PSD3: variants seen among roughly 807,000 people sequenced by gnomAD.
PSD3 encodes PH and SEC7 domain-containing protein 3.
Under a neutral mutation model 105.5 loss-of-function variants are expected in PSD3, and 49 were observed. That is an observed-to-expected ratio of 0.46 (90% CI 0.37 to 0.59). The LOEUF is 0.59. Among genes scored for constraint, PSD3 ranks in the 20% least tolerant of loss-of-function variants. The pLI is 0.00. For synonymous variants in PSD3, 557 were observed against 457.8 expected, an observed-to-expected ratio of 1.22 and a Z score of -2.77; for missense variants, 1,561 against 1,263.8, an observed-to-expected ratio of 1.24 and a Z score of -3.57.
intron 8 of PSD3, chr8:18,774,800 C>A: frequency 2.3e-6 from 1 of 438,906 alleles, no homozygotes; most frequent in African/African-American, 2.0e-5. Flanking sequence ...ACTGGAATGT[C>A]GGGCACCTGT....
At chr8:19,042,813 A>G (rs1172047483) in intron 1 of PSD3, among the ~76,000 whole-genome samples, 10 of 152,212 alleles carry the variant, frequency 6.6e-5, no homozygotes, top group Non-Finnish European at 1.5e-4. Flanking sequence ...TTTTAATTGA[A>G]GTACTTATGA....
intron 8 of PSD3, among the ~76,000 whole-genome samples, chr8:18,792,824 G>T (rs1048471070): frequency 6.6e-6 from 1 of 152,134 alleles, no homozygotes; most frequent in East Asian, 1.9e-4. Context: ...TCCCATTACT[G>T]GGCATATACC....
rs1586474726 is a variant in PSD3 at position 18,937,643 on chromosome 8, G to A, written c.22-1501C>T. On this transcript the variant is annotated intron_variant, in intron 1 of 15. Transcript: ENST00000327040. ...ATGTTCATAACGCGTCAAATGTATC[G>A]GTCTGAAAAAAGGTGCATACTCCTC... Among the ~76,000 whole-genome samples, 4 of 152,040 alleles carry A rather than the reference G, an allele frequency of 2.6e-5. No homozygotes were observed. In the South Asian group the frequency reaches 6.2e-4, roughly 24 times the overall value.
chr8:19,038,795 T>A (rs1468253464), intron 1 of PSD3, among the ~76,000 whole-genome samples: 1 of 152,166 alleles, frequency 6.6e-6, no homozygotes, highest in Admixed American at 6.5e-5. Flanking sequence ...CTAAATTTAT[T>A]GAGTAGTTAT....
At chr8:18,777,090 T>C (rs569632977) in intron 8 of PSD3, among the ~76,000 whole-genome samples, 1 of 152,308 alleles carries the variant, frequency 6.6e-6, no homozygotes, top group East Asian at 1.9e-4. Flanking sequence ...TTGCCCAGAC[T>C]GGAGTGCAGT....
intron 2 of PSD3, among the ~76,000 whole-genome samples, chr8:18,932,926 T>G (rs1034926590): frequency 2.0e-5 from 3 of 152,248 alleles, no homozygotes; most frequent in African/African-American, 7.2e-5. Flanking sequence ...ACCTCCTCCA[T>G]GAAGTTATCA....
intron 11 of PSD3, among the ~76,000 whole-genome samples, chr8:18,620,340 G>GTGTT (rs1806015492): frequency 9.4e-6 from 1 of 106,162 alleles, no homozygotes; most frequent in South Asian, 3.8e-4. Context: ...TCTTGGGTTT[G>GTGTT]TGTTTTTTTT....
intron 2 of PSD3, among the ~76,000 whole-genome samples, chr8:18,897,494 T>C (rs1476089233): frequency 2.6e-5 from 4 of 152,214 alleles, no homozygotes; most frequent in Non-Finnish European, 5.9e-5. Flanking sequence ...GGGTATTGTG[T>C]GGTTCTAGGC....
rs1375173363 is a variant in PSD3 at position 18,801,386 on chromosome 8, CAA to C, written c.1911-6_1911-5del. 6.5e-7 allele frequency: 1 copy of C among 1,547,230 alleles called. No individual in the cohort carries two copies. Among genetic ancestry groups the C allele is most frequent in the Non-Finnish European group, 8.9e-7 (1 of 1,128,972 alleles). On this transcript the variant is annotated splice_polypyrimidine_tract_variant and splice_region_variant and intron_variant, in intron 6 of 15. Transcript: ENST00000327040. ...AGAGAATGCTTTAAAGAAATACCTACAAGAGAATTAAAAATTTAAACAGTGAA... is the reference window on the plus strand; with the variant it reads ...AGAGAATGCTTTAAAGAAATACCTACGAGAATTAAAAATTTAAACAGTGAA...
intron 3 of PSD3, among the ~76,000 whole-genome samples, chr8:18,869,346 C>T (rs1006372378): frequency 1.3e-5 from 2 of 152,056 alleles, no homozygotes; most frequent in East Asian, 1.9e-4. Context: ...TGTAACACAA[C>T]GCCTGGCTAA....
chr8:18,543,605 G>A (rs766017981), intron 15 of PSD3, among the ~76,000 whole-genome samples: 15 of 150,822 alleles, frequency 9.9e-5, no homozygotes, highest in Non-Finnish European at 1.9e-4. Flanking sequence ...GCGACAGAGC[G>A]AGACTCTCTC....
chr8:18,806,067 C>T (rs1811167803), intron 4 of PSD3, among the ~76,000 whole-genome samples: 1 of 152,144 alleles, frequency 6.6e-6, no homozygotes, highest in African/African-American at 2.4e-5. Context: ...TTTCATCACA[C>T]ACAAAATTAA....
chr8:18,841,666 A>G (rs1043153802), intron 4 of PSD3, among the ~76,000 whole-genome samples: 1 of 152,166 alleles, frequency 6.6e-6, no homozygotes, highest in Non-Finnish European at 1.5e-5. Flanking sequence ...AGGCGACTCA[A>G]GTATAATGAA....
intron 9 of PSD3, among the ~76,000 whole-genome samples, chr8:18,692,258 T>A (rs183281704): frequency 2.0e-5 from 3 of 152,302 alleles, no homozygotes; most frequent in Admixed American, 2.0e-4. Context: ...GACACTGAGA[T>A]AGACATTAAT....
chr8:18,660,580 T>C (rs1294840699), intron 9 of PSD3, among the ~76,000 whole-genome samples: 4 of 152,206 alleles, frequency 2.6e-5, no homozygotes, highest in African/African-American at 9.7e-5. Context: ...AGTGGTCTTA[T>C]CTAAAGATGT....
At chr8:19,045,222 A>G (rs1447398502) in intron 1 of PSD3, among the ~76,000 whole-genome samples, 3 of 152,094 alleles carry the variant, frequency 2.0e-5, no homozygotes, top group Non-Finnish European at 4.4e-5. Flanking sequence ...AAGAAAAAGA[A>G]AAAGAAAAGT....
intron 2 of PSD3, among the ~76,000 whole-genome samples, chr8:18,920,019 A>T (rs1464352269): frequency 7.8e-6 from 1 of 128,258 alleles, no homozygotes; most frequent in Non-Finnish European, 1.5e-5. Context: ...AAATAAATTA[A>T]AAAAAAAAAA....
intron 9 of PSD3, among the ~76,000 whole-genome samples, chr8:18,713,720 C>T (rs1343628653): frequency 1.3e-5 from 2 of 152,136 alleles, no homozygotes; most frequent in African/African-American, 2.4e-5. Flanking sequence ...ATAATTTATA[C>T]ATTCAATGTT....
intron 11 of PSD3, among the ~76,000 whole-genome samples, chr8:18,614,614 C>A (rs953135754): frequency 6.6e-6 from 1 of 151,980 alleles, no homozygotes; most frequent in Non-Finnish European, 1.5e-5. Flanking sequence ...AAAGAATGAA[C>A]ATTTGTGACA....
Sources: allele counts gnomAD v4.1 joint callset (sites outside exome capture counted in the v4.1 genomes callset), GRCh38; gene constraint gnomAD v4.1.1; transcripts MANE v1.5; gene names NCBI Gene and HGNC (gene_info 2026-07-23, HGNC 2026-07-21).